SNX25: variants seen among roughly 807,000 people sequenced by gnomAD.
The protein encoded by SNX25 is sorting nexin 25, also known as sorting nexin-25.
SNX25 carries 62 observed loss-of-function variants against 113.7 expected under a neutral mutation model. The observed-to-expected ratio is 0.55, with a 90% CI of 0.44 to 0.67. The LOEUF is 0.67. Among genes scored for constraint, SNX25 ranks in the 30% least tolerant of loss-of-function variants. The pLI, the probability that SNX25 is intolerant of heterozygous loss-of-function variation, is 0.00. For missense variants in SNX25, 1,014 were observed against 1,161.0 expected (o/e 0.87, Z 1.84); for synonymous variants, 421 against 436.2 (o/e 0.97, Z 0.43).
At chr4:185,243,247 T>C (rs191187390) in intron 1 of SNX25, among the ~76,000 whole-genome samples, 46 of 152,350 alleles carry the variant, frequency 3.0e-4, no homozygotes, top group Non-Finnish European at 5.1e-4. Flanking sequence ...AGTTCAGTGA[T>C]ACTAAATGCA....
intron 16 of SNX25, among the ~76,000 whole-genome samples, chr4:185,360,507 G>T (rs1401445939): frequency 6.6e-6 from 1 of 152,058 alleles, no homozygotes; most frequent in Non-Finnish European, 1.5e-5. Context: ...GAAATTTGAG[G>T]TCTTTCTGGC....
At chr4:185,374,244 CAAGAGA>C (rs1217165241), downstream of SNX25, 1 of 1,614,126 alleles carries the variant, frequency 6.2e-7, no homozygotes, top group East Asian at 2.2e-5. Flanking sequence ...CCACAGTCTA[CAAGAGA>C]AAGTGAGGCA....
At chr4:185,347,719 C>T (rs1352503909) in intron 13 of SNX25, among the ~76,000 whole-genome samples, 8 of 152,198 alleles carry the variant, frequency 5.3e-5, no homozygotes, top group African/African-American at 1.9e-4. Context: ...GATCTGCCCA[C>T]CTCGACCTCC....
chr4:185,296,135 C>T (rs906888096), intron 6 of SNX25: 1 of 152,178 alleles, frequency 6.6e-6, no homozygotes, highest in African/African-American at 2.4e-5. Context: ...AAGGGCCTAG[C>T]TAGTTCTCTC....
At chr4:185,206,965 T>G (rs1325790172), upstream of SNX25, among the ~76,000 whole-genome samples, 1 of 152,112 alleles carries the variant, frequency 6.6e-6, no homozygotes, top group Non-Finnish European at 1.5e-5. Context: ...CGCCAGAGCC[T>G]GGAGTTCTGA....
intron 6 of SNX25, among the ~76,000 whole-genome samples, chr4:185,288,410 T>A (rs570081661): frequency 1.3e-5 from 2 of 152,306 alleles, no homozygotes; most frequent in East Asian, 3.9e-4. Context: ...TATTGAAATT[T>A]AATATTTCTA....
At chr4:185,235,732 A>T (rs1477918665) in intron 1 of SNX25, among the ~76,000 whole-genome samples, 1 of 152,194 alleles carries the variant, frequency 6.6e-6, no homozygotes, top group African/African-American at 2.4e-5. Context: ...GTGTCTACAA[A>T]CAAAATAAAA....
chr4:185,335,539 G>T (rs2095224509), intron 10 of SNX25, among the ~76,000 whole-genome samples: 1 of 152,176 alleles, frequency 6.6e-6, no homozygotes, highest in South Asian at 2.1e-4. Flanking sequence ...CAGAATGCCA[G>T]TGGTTTGCTT....
intron 5 of SNX25, among the ~76,000 whole-genome samples, chr4:185,275,739 G>A (rs543084659): frequency 5.3e-5 from 8 of 152,270 alleles, no homozygotes; most frequent in African/African-American, 9.6e-5. Context: ...GAAATCAAGT[G>A]TACCTCCATA....
intron 1 of SNX25, among the ~76,000 whole-genome samples, chr4:185,221,638 T>A (rs1739873173): frequency 1.3e-5 from 2 of 152,278 alleles, no homozygotes; most frequent in African/African-American, 4.8e-5. Context: ...AAATTCCTCT[T>A]CAGCAGCATG....
intron 6 of SNX25, among the ~76,000 whole-genome samples, chr4:185,306,989 A>G (rs576736567): frequency 6.6e-6 from 1 of 152,314 alleles, no homozygotes; most frequent in East Asian, 1.9e-4. Context: ...ATTGAAGTAA[A>G]TGAAAATGGG....
At chr4:185,264,993 T>A (rs1416316224) in intron 4 of SNX25, among the ~76,000 whole-genome samples, 2 of 126,956 alleles carry the variant, frequency 1.6e-5, no homozygotes, top group Non-Finnish European at 1.8e-5. Context: ...TGTGTTCAAA[T>A]TCTTTTTTTT....
At chr4:185,208,839 TTAAG>T (rs1390312347), upstream of SNX25, among the ~76,000 whole-genome samples, 1 of 152,260 alleles carries the variant, frequency 6.6e-6, no homozygotes, top group Non-Finnish European at 1.5e-5. Context: ...TTGCCAGTGT[TTAAG>T]TAGCATATTG....
At position 185,259,010 on chromosome 4, in the gene SNX25, A is replaced by G. The variant is rs762626865; in HGVS notation, c.677A>G (p.Asp226Gly). ...HVDVVKVVCN[D>G]VVRTLLTHFC... ...GATGTGGTTAAAGTTGTCTGCAATG[A>G]TGTTGTGAGGACTTTACTCACTCAT... Residue 226 changes from aspartate (D) to glycine (G), a missense_variant, in exon 3 of 19, where the codon GAT (aspartate) becomes GGT (glycine). Asp to Gly is a moderately conservative substitution (Grantham distance 94, BLOSUM62 -1). Transcript: ENST00000652585. The G allele has an allele frequency of 5.6e-5, 91 of 1,614,032 alleles. No individual in the cohort carries two copies. Among genetic ancestry groups the G allele is most frequent in the Non-Finnish European group, 7.4e-5 (87 of 1,180,024 alleles).
intron 1 of SNX25, among the ~76,000 whole-genome samples, chr4:185,212,487 G>T (rs867926489): frequency 0.14 from 6,730 of 49,626 alleles, 469 homozygotes; most frequent in Non-Finnish European, 0.18. Context: ...GTGTGTGTGT[G>T]TGTGTTTTTT....
At chr4:185,212,491 G>GTTTTT (rs61204525) in intron 1 of SNX25, among the ~76,000 whole-genome samples, 2 of 104,940 alleles carry the variant, frequency 1.9e-5, no homozygotes, top group East Asian at 2.7e-4. Flanking sequence ...GTGTGTGTGT[G>GTTTTT]TTTTTTTTTT....
At chr4:185,237,488 T>C (rs1368299452) in intron 1 of SNX25, among the ~76,000 whole-genome samples, 1 of 152,180 alleles carries the variant, frequency 6.6e-6, no homozygotes, top group Non-Finnish European at 1.5e-5. Flanking sequence ...TCCGTGCTTT[T>C]ATTTCTGCCA....
intron 5 of SNX25, among the ~76,000 whole-genome samples, chr4:185,270,967 T>C (rs1306465369): frequency 6.6e-6 from 1 of 152,228 alleles, no homozygotes; most frequent in African/African-American, 2.4e-5. Context: ...GGATGCCTTT[T>C]GAGTGACCGT....
At chr4:185,265,568 G>GTGC (rs1553993989) in intron 4 of SNX25, among the ~76,000 whole-genome samples, 2 of 52,676 alleles carry the variant, frequency 3.8e-5, no homozygotes. Flanking sequence ...GGACATGACT[G>GTGC]TGCACCACTG....
Sources: allele counts gnomAD v4.1 joint callset (sites outside exome capture counted in the v4.1 genomes callset), GRCh38; gene constraint gnomAD v4.1.1; transcripts MANE v1.5; gene names NCBI Gene and HGNC (gene_info 2026-07-23, HGNC 2026-07-21).